Variants in EFNB2 observed in about 807,000 individuals in gnomAD.
The protein encoded by EFNB2 is ephrin B2.
A neutral mutation model predicts 32.1 loss-of-function variants in EFNB2; 5 were observed. The observed-to-expected ratio is 0.16, with a 90% CI of 0.08 to 0.33. The LOEUF is 0.33. Ranked by LOEUF, EFNB2 falls within the 10% of genes least tolerant of loss-of-function variation. EFNB2 has a pLI of 1.00. For synonymous variants in EFNB2, 168 were observed against 166.5 expected (o/e 1.01, Z -0.07); for missense variants, 263 against 422.6 (o/e 0.62, Z 3.31).
rs946684035 is a variant in EFNB2, at chr13:106,518,186, C to T, written c.123-5374G>A. ...AACCCCGTCTCTATTAAAAATACAA[C>T]ACTTAGCTGGGCATGGTGGCGGGCG... On this transcript the variant is annotated intron_variant, in intron 1 of 4. Transcript: ENST00000646441. The surrounding 1 kb of genome is among the most constrained non-coding windows in gnomAD (Gnocchi z 4.1). 6.6e-6 allele frequency: 1 copy of T among 152,024 alleles called. No individual in the cohort carries two copies. The highest frequency in any genetic ancestry group is 1.5e-5 in the Non-Finnish European group (1 of 67,992). 9.4% of individuals were successfully genotyped at this position (152,024 alleles called of 1,614,324 possible).
chr13:106,493,460 T>G lies in EFNB2; in HGVS notation c.614-32A>C. ...ACGCGGAGACAGAAAAGGTCAGAGA[T>G]AGTTACTGCTGTCCCAGTGCAGACG... On this transcript the variant is annotated intron_variant, in intron 4 of 4. Transcript: ENST00000646441. The surrounding 1 kb of genome is among the most constrained non-coding windows in gnomAD (Gnocchi z 6.1). 1.9e-6 allele frequency: 3 copies of G among 1,580,566 alleles called. No homozygotes were observed. The highest frequency in any genetic ancestry group is 2.6e-6 in the Non-Finnish European group (3 of 1,161,048).
At chr13:106,512,928 CTTTAA>C (rs1879190608) in intron 1 of EFNB2, 116 bp from the exon 2 acceptor site, 2 of 859,220 alleles carry the variant, frequency 2.3e-6, no homozygotes, top group African/African-American at 3.4e-5. Context: ...CAGATTCACA[CTTTAA>C]TTTATCAAAA....
At chr13:106,530,788 C>G (rs916592024) in intron 1 of EFNB2, among the ~76,000 whole-genome samples, 3 of 152,120 alleles carry the variant, frequency 2.0e-5, no homozygotes, top group African/African-American at 7.2e-5. Context: ...CGGGAGCTAC[C>G]TGGAAGATTT....
At chr13:106,495,614 C>T (rs1354451968) in intron 3 of EFNB2, 134 bp downstream of exon 3, 1 of 803,228 alleles carries the variant, frequency 1.2e-6, no homozygotes, top group East Asian at 2.5e-5. Flanking sequence ...GTCAGTGGCT[C>T]AAAGTGCAGA....
intron 2 of EFNB2, among the ~76,000 whole-genome samples, chr13:106,505,485 C>T (rs1013079624): frequency 6.6e-6 from 1 of 152,198 alleles, no homozygotes; most frequent in Middle Eastern, 3.2e-3. Context: ...CAAAGTGAGA[C>T]AAGAGTATGT....
Position 106,535,047 on chromosome 13 carries a change from CAGACTGGCGGGGA to C in EFNB2, c.-96_-84del. ...GGCTGGGACCCCCAATCCTCCGGGG[CAGACTGGCGGGGA>C]AGACGGCGTGCGCCCGCAGGCAGCT... On this transcript the variant is annotated 5_prime_UTR_variant, in exon 1 of 5. Coordinates refer to ENST00000646441, the MANE Select transcript of EFNB2 (RefSeq NM_004093.4). 6.4e-7 allele frequency: 1 copy of C among 1,554,928 alleles called. No homozygotes were observed. Among genetic ancestry groups the C allele is most frequent in the Non-Finnish European group, 8.7e-7 (1 of 1,152,590 alleles).
rs1879288906 is a variant in EFNB2, at chr13:106,515,672, T to C, written c.123-2860A>G. ...GCAGCTTTTACTTTTTAAGCGTATATATAAACAGCCATAGCGCACAGTCAC... is the reference window on the plus strand; with the variant it reads ...GCAGCTTTTACTTTTTAAGCGTATACATAAACAGCCATAGCGCACAGTCAC... On this transcript the variant is annotated intron_variant, in intron 1 of 4. Transcript: ENST00000646441. 1.3e-5 allele frequency among the ~76,000 whole-genome samples: 2 copies of C among 152,210 alleles called. 1 individual carries two copies. The highest frequency in any genetic ancestry group is 4.1e-4 in the South Asian group (2 of 4,828).
chr13:106,515,042 A>ATT (rs202016092), intron 1 of EFNB2, among the ~76,000 whole-genome samples: 1 of 150,038 alleles, frequency 6.7e-6, no homozygotes, highest in Admixed American at 6.7e-5. Context: ...CTTCATGAGG[A>ATT]TTTTTTTTTT....
chr13:106,503,209 G>C (rs142152982), intron 2 of EFNB2, among the ~76,000 whole-genome samples: 2 of 151,608 alleles, frequency 1.3e-5, no homozygotes, highest in African/African-American at 4.8e-5. Flanking sequence ...AAGTTATGAC[G>C]ATTTATGCAG....
chr13:106,512,358 C>T (rs1455016783), intron 2 of EFNB2, among the ~76,000 whole-genome samples, 171 bp downstream of exon 2: 3 of 126,732 alleles, frequency 2.4e-5, no homozygotes, highest in Non-Finnish European at 4.8e-5. Flanking sequence ...GCACAGGGTC[C>T]CAAATTCAAT....
intron 2 of EFNB2, among the ~76,000 whole-genome samples, chr13:106,500,435 T>C (rs1878737229): frequency 6.6e-6 from 1 of 152,172 alleles, no homozygotes; most frequent in Non-Finnish European, 1.5e-5. Context: ...TAAATACTAT[T>C]GAGGGTATTT....
chr13:106,509,627 CTGTGTGTGTGTGTG>C (rs34068695), intron 2 of EFNB2, among the ~76,000 whole-genome samples: 15 of 142,664 alleles, frequency 1.1e-4, no homozygotes, highest in South Asian at 4.8e-4. Context: ...CAGAGCTTGA[CTGTGTGTGTGTGTG>C]TGTGTGTGTG....
chr13:106,515,693 G>A (rs904971419), intron 1 of EFNB2, among the ~76,000 whole-genome samples: 3 of 152,202 alleles, frequency 2.0e-5, no homozygotes, highest in Non-Finnish European at 4.4e-5. Flanking sequence ...ATAGCGCACA[G>A]TCACTTTAAG....
chr13:106,528,631 T>G (rs1004003550), intron 1 of EFNB2, among the ~76,000 whole-genome samples: 1 of 152,210 alleles, frequency 6.6e-6, no homozygotes. Flanking sequence ...GAGACTTTCC[T>G]GTAATGCCAA....
intron 2 of EFNB2, among the ~76,000 whole-genome samples, chr13:106,510,979 A>G (rs1757923861): frequency 6.6e-6 from 1 of 152,198 alleles, no homozygotes; most frequent in Non-Finnish European, 1.5e-5. Context: ...AGCCTGACGA[A>G]AGAGAGAGAC....
chr13:106,522,685 AT>A (rs71808363), intron 1 of EFNB2, among the ~76,000 whole-genome samples: 158 of 151,224 alleles, frequency 1.0e-3, no homozygotes, highest in African/African-American at 3.7e-3. Context: ...CTACCATCAT[AT>A]TTTTTTTTAA....
intron 1 of EFNB2, 122 bp downstream of exon 1, chr13:106,534,721 G>A (rs1880003101): frequency 2.5e-6 from 3 of 1,183,990 alleles, no homozygotes; most frequent in South Asian, 1.6e-5. Context: ...TTGGGGGTGG[G>A]GGACGGGGAA....
chr13:106,495,050 T>C, intron 3 of EFNB2, 56 bp from the exon 4 acceptor site: 2 of 1,368,920 alleles, frequency 1.5e-6, no homozygotes, highest in South Asian at 1.2e-5. Flanking sequence ...TATCTAGCTT[T>C]AGGAGCTGCA....
chr13:106,530,127 TTA>T (rs1879825888), intron 1 of EFNB2, among the ~76,000 whole-genome samples: 1 of 152,182 alleles, frequency 6.6e-6, no homozygotes, highest in Non-Finnish European at 1.5e-5. Context: ...GCTGAATTGC[TTA>T]TGTCTTTGTA....
Sources: gnomAD v4.1 joint callset for allele counts (sites outside exome capture counted in the v4.1 genomes callset) on GRCh38, gnomAD v4.1.1 for gene constraint, Gnocchi (gnomAD v3.1) non-coding constraint, MANE v1.5 for transcripts, NCBI Gene and HGNC (gene_info 2026-07-23, HGNC 2026-07-21) for gene names.